RPAP1: variants seen among roughly 807,000 people sequenced by gnomAD.
The protein encoded by RPAP1 is RNA polymerase II-associated protein 1.
A neutral mutation model predicts 142.4 loss-of-function variants in RPAP1; 109 were observed. That is an observed-to-expected ratio of 0.77 (90% CI 0.66 to 0.90). RPAP1 has a LOEUF of 0.90. RPAP1 is among the 40% of genes least tolerant of loss of function. The pLI, the probability that RPAP1 is intolerant of heterozygous loss-of-function variation, is 0.00. For missense variants in RPAP1, 1,546 were observed against 1,751.7 expected (o/e 0.88, Z 2.10); for synonymous variants, 704 against 738.9 (o/e 0.95, Z 0.77).
chr15:41,532,095 C>T (rs2140778894), intron 6 of RPAP1, among the ~76,000 whole-genome samples: 1 of 151,486 alleles, frequency 6.6e-6, no homozygotes, highest in Admixed American at 6.6e-5. Flanking sequence ...GATCTCGGCT[C>T]ACTGCAAGGT....
At chr15:41,540,223 G>T (rs1437802712) in intron 1 of RPAP1, among the ~76,000 whole-genome samples, 1 of 151,910 alleles carries the variant, frequency 6.6e-6, no homozygotes, top group African/African-American at 2.4e-5. Flanking sequence ...CACTTAGTAT[G>T]CACCACATAC....
In RPAP1 at chr15:41,533,242, G is replaced by A. The variant is rs137945516; in HGVS notation, c.763+1472C>T. On this transcript the variant is annotated intron_variant, in intron 6 of 24. Coordinates refer to ENST00000304330, the MANE Select transcript of RPAP1 (RefSeq NM_015540.4). Reference sequence around the variant, plus strand: ...CCCAGCACTTTGGGAGGCTGAGGTCGGTGGATCACTTGATGCCAGGAGTTC... The same window carrying A: ...CCCAGCACTTTGGGAGGCTGAGGTCAGTGGATCACTTGATGCCAGGAGTTC... 546 of 145,464 alleles carry A rather than the reference G, an allele frequency of 3.8e-3. 1 individual carries two copies. Among genetic ancestry groups the A allele is most frequent in the South Asian group, 5.8e-3 (26 of 4,474 alleles). The allele number at this position is 145,464 out of a possible 1,614,324, so 9.0% of individuals were successfully genotyped here.
chr15:41,520,391 C>T lies in RPAP1; in HGVS notation c.3795G>A (p.Gln1265=). Residue 1265 remains glutamine (Q), a splice_region_variant and synonymous_variant, in exon 22 of 25, where the codon CAG becomes CAA. Transcript: ENST00000304330. ...ALRALSLPLT[Q]LPVSLECYTV... ...AGGTCCTGCTGGGCTGAGAAAGTAC[C>T]TGGGTCAGAGGCAGGCTCAGAGCTC... 1 of 1,613,486 alleles carries T rather than the reference C, an allele frequency of 6.2e-7. No individual in the cohort carries two copies. Among genetic ancestry groups the T allele is most frequent in the Non-Finnish European group, 8.5e-7 (1 of 1,179,688 alleles).
rs148693495 is a variant in RPAP1, at chr15:41,529,565, T to A, written c.1063A>T (p.Met355Leu). Residue 355 changes from methionine to leucine, a missense_variant, in exon 9 of 25, where the codon ATG becomes TTG. Coordinates refer to ENST00000304330, the MANE Select transcript of RPAP1 (RefSeq NM_015540.4). ...PVRRQQTQER[M>L]QARFSLQGEL... is the part of the protein sequence containing the mutation. Reference sequence around the variant, plus strand: ...CCCTGAAGACTGAATCGAGCCTGCATCCTCTAATGGGAAGAGAAAGAGGAC... The same window carrying A: ...CCCTGAAGACTGAATCGAGCCTGCAACCTCTAATGGGAAGAGAAAGAGGAC... The A allele has an allele frequency of 1.7e-5, 27 of 1,607,478 alleles. No individual in the cohort carries two copies. The African/African-American group carries it at 3.6e-4, about 21-fold the overall frequency.
rs1380006543 is a variant in RPAP1, at chr15:41,523,322, G to A, written c.2469C>T (p.Asp823=). ...GCAGCTCCTCTGACAGGCGCTGCAT[G>A]TCCTGGAGCCAATCCTCCGGGCATG... The part of the protein sequence containing the change: ...PSSCPEDWLQ[D]MQRLSEELLL... The change falls in exon 18 of 25, where the codon GAC becomes GAT. Residue 823 remains aspartate, a synonymous_variant. Coordinates refer to ENST00000304330, the MANE Select transcript of RPAP1 (RefSeq NM_015540.4). 9 of 1,610,118 alleles carry A rather than the reference G, an allele frequency of 5.6e-6. No individual in the cohort carries two copies. Among genetic ancestry groups the A allele is most frequent in the South Asian group, 1.1e-5 (1 of 90,520 alleles).
Position 41,537,015 on chromosome 15 carries a change from A to G in RPAP1, c.111T>C (p.Asn37=). ...CTGAGTTGGCATCACCACCGCCCCT[A>G]TTTCCTTTCTTCACCAACTGCACTG... The part of the protein sequence containing the change: ...APAVQLVKKG[N]RGGGDANSDR... The change falls in exon 2 of 25, where the codon AAT becomes AAC. Residue 37 remains asparagine, a synonymous_variant. Transcript: ENST00000304330. 1 of 1,613,964 alleles carries G rather than the reference A, an allele frequency of 6.2e-7. No homozygotes were observed. Among genetic ancestry groups the G allele is most frequent in the South Asian group, 1.1e-5 (1 of 91,060 alleles).
rs2051724067 is a variant in RPAP1, at chr15:41,521,281, C to G, written c.3039-134G>C. On this transcript the variant is annotated intron_variant, in intron 21 of 24. Coordinates refer to ENST00000304330, the MANE Select transcript of RPAP1 (RefSeq NM_015540.4). ...TCTGCTCCCTTAACTACTTCCCGCG[C>G]AGTGCTGTGTAGCAGTTAAGAGGAT... 7 of 867,666 alleles carry G rather than the reference C, an allele frequency of 8.1e-6. No homozygotes were observed. The South Asian group carries it at 1.5e-4, about 19-fold the overall frequency. The allele number at this position is 867,666 out of a possible 1,614,324, so 53.7% of individuals were successfully genotyped here.
intron 14 of RPAP1, 191 bp from the exon 15 acceptor site, chr15:41,525,339 A>G (rs2051780683): frequency 7.8e-6 from 2 of 257,904 alleles, no homozygotes; most frequent in Non-Finnish European, 1.4e-5. Context: ...TTTACTTTTT[A>G]TTATTTATTA....
intron 1 of RPAP1, among the ~76,000 whole-genome samples, chr15:41,540,494 T>C (rs1347232036): frequency 6.6e-6 from 1 of 152,124 alleles, no homozygotes; most frequent in Non-Finnish European, 1.5e-5. Context: ...AGAGACTGGG[T>C]TTCTCCATGT....
In RPAP1 at chr15:41,523,470, CT is replaced by C. The variant is rs1242700281; in HGVS notation, c.2437-117del. 3 of 711,916 alleles carry C rather than the reference CT, an allele frequency of 4.2e-6. No individual in the cohort carries two copies. The Admixed American group carries it at 8.7e-5, about 21-fold the overall frequency. 44.1% of individuals were successfully genotyped at this position (711,916 alleles called of 1,614,324 possible). The stretch of plus-strand genomic sequence containing the variant: ...CCCAAAAGAGCACATTTGGAGGCTT[CT>C]GCAGGCTGAGCCTTCTGAAGGGAGA... On this transcript the variant is annotated intron_variant, in intron 17 of 24. Transcript: ENST00000304330.
At chr15:41,519,045 G>C (rs1030920063) in intron 22 of RPAP1, among the ~76,000 whole-genome samples, 1 of 151,958 alleles carries the variant, frequency 6.6e-6, no homozygotes, top group East Asian at 1.9e-4. Context: ...CAAATCACCA[G>C]GTCTGGCTAA....
intron 3 of RPAP1, 130 bp downstream of exon 3, chr15:41,536,371 C>T (rs1246394442): frequency 2.4e-5 from 33 of 1,383,346 alleles, no homozygotes; most frequent in Middle Eastern, 1.8e-4. Context: ...ACCCAGCCCC[C>T]AACCTGACCT....
At chr15:41,521,231 G>A (rs1014777146) in intron 21 of RPAP1, 84 bp from the exon 22 acceptor site, 9 of 1,372,602 alleles carry the variant, frequency 6.6e-6, no homozygotes, top group Middle Eastern at 1.9e-4. Context: ...CTTCCTGGAG[G>A]CTCCTAGGTC....
At chr15:41,534,665 G>C (rs897263964) in intron 6 of RPAP1, 49 bp downstream of exon 6, 1 of 1,380,098 alleles carries the variant, frequency 7.2e-7, no homozygotes. Flanking sequence ...CTCAATAAGT[G>C]GTATTCCTCT....
chr15:41,530,228 G>A (rs1245715407), intron 7 of RPAP1, among the ~76,000 whole-genome samples: 1 of 152,126 alleles, frequency 6.6e-6, no homozygotes, highest in Non-Finnish European at 1.5e-5. Flanking sequence ...TTGTTGGGAG[G>A]GGAGAGAGGA....
At chr15:41,525,538 T>C (rs1309606457) in intron 14 of RPAP1, among the ~76,000 whole-genome samples, 1 of 151,854 alleles carries the variant, frequency 6.6e-6, no homozygotes, top group Non-Finnish European at 1.5e-5. Context: ...GGGGTTTCAT[T>C]ATGTTGGCCA....
Position 41,517,496 on chromosome 15 carries a change from C to A in RPAP1, c.*46G>T, listed in dbSNP as rs1378444794. The A allele has an allele frequency of 3.4e-6, 5 of 1,482,320 alleles. No homozygotes were observed. Among genetic ancestry groups the A allele is most frequent in the Non-Finnish European group, 4.5e-6 (5 of 1,103,554 alleles). 91.8% of individuals were successfully genotyped at this position (1,482,320 alleles called of 1,614,324 possible). On this transcript the variant is annotated 3_prime_UTR_variant, in exon 25 of 25. Coordinates refer to ENST00000304330, the MANE Select transcript of RPAP1 (RefSeq NM_015540.4). ...GTCTGGCCAGACATCTGTTGAAAGG[C>A]TGGATACAGGACAACGTACCCATCT...
intron 1 of RPAP1, among the ~76,000 whole-genome samples, chr15:41,540,003 AGCCTGGGC>A (rs1248278879): frequency 4.6e-5 from 7 of 152,064 alleles, no homozygotes. Context: ...ACTGCACTCC[AGCCTGGGC>A]GACAGAGTGA....
chr15:41,525,223 G>A, intron 14 of RPAP1, 75 bp from the exon 15 acceptor site: 1 of 1,393,886 alleles, frequency 7.2e-7, no homozygotes. Flanking sequence ...TGGACAGAGA[G>A]TGGCTTAACT....
Sources: gnomAD v4.1 joint callset for allele counts (sites outside exome capture counted in the v4.1 genomes callset) on GRCh38, gnomAD v4.1.1 for gene constraint, MANE v1.5 for transcripts, NCBI Gene and HGNC (gene_info 2026-07-23, HGNC 2026-07-21) for gene names.